EPHB1: variants seen among roughly 807,000 people sequenced by gnomAD.
The protein encoded by EPHB1 is EPH receptor B1.
In EPHB1, 30 loss-of-function variants were observed where a neutral mutation model predicts 94.4. That is an observed-to-expected ratio of 0.32 (90% CI 0.24 to 0.43). EPHB1 has a LOEUF of 0.43. EPHB1 is among the 20% of genes least tolerant of loss of function. The probability of loss-of-function intolerance (pLI) is 1.00; values close to 1 mark genes in which losing one functional copy is unlikely to be tolerated. For synonymous variants in EPHB1, 522 were observed against 489.1 expected (o/e 1.07, Z -0.89); for missense variants, 1,055 against 1,308.3 (o/e 0.81, Z 2.99).
rs1039615114 is a variant in EPHB1 at position 135,069,371 on chromosome 3, C to T, written c.806-37077C>T. On this transcript the variant is annotated intron_variant, in intron 3 of 15. Coordinates refer to ENST00000398015, the MANE Select transcript of EPHB1 (RefSeq NM_004441.5). ...ATAGTGCTCTCTGCTACTCTTCTGTCAGGCTTACAGTCTTTTTTGAGTTAT... is the reference window on the plus strand; with the variant it reads ...ATAGTGCTCTCTGCTACTCTTCTGTTAGGCTTACAGTCTTTTTTGAGTTAT... Among the ~76,000 whole-genome samples, 3 of 152,206 alleles carry T rather than the reference C, an allele frequency of 2.0e-5. No individual in the cohort carries two copies. In the South Asian group the frequency reaches 6.2e-4, roughly 32 times the overall value.
At chr3:134,801,938 G>A (rs2035941871) in intron 1 of EPHB1, among the ~76,000 whole-genome samples, 1 of 152,236 alleles carries the variant, frequency 6.6e-6, no homozygotes, top group South Asian at 2.1e-4. Context: ...CTGGAGGGCA[G>A]TGGGTTGGTT....
intron 2 of EPHB1, among the ~76,000 whole-genome samples, chr3:134,933,317 C>T (rs551993786): frequency 1.3e-5 from 2 of 152,282 alleles, no homozygotes; most frequent in South Asian, 4.2e-4. Context: ...ACATCTCCTC[C>T]TGGGTCCCCC....
chr3:135,074,553 A>G (rs1308782764), intron 3 of EPHB1, among the ~76,000 whole-genome samples: 1 of 152,206 alleles, frequency 6.6e-6, no homozygotes, highest in Admixed American at 6.5e-5. Context: ...TCCATCTGCT[A>G]CTAAACACAC....
intron 3 of EPHB1, among the ~76,000 whole-genome samples, chr3:134,970,150 C>G (rs559740820): frequency 3.9e-5 from 6 of 152,206 alleles, no homozygotes; most frequent in African/African-American, 1.4e-4. Flanking sequence ...GTTTATCTAA[C>G]CAATTATTTT....
chr3:135,103,174 T>C (rs1939094443), intron 3 of EPHB1, among the ~76,000 whole-genome samples: 2 of 152,102 alleles, frequency 1.3e-5, no homozygotes, highest in Admixed American at 6.5e-5. Flanking sequence ...CTTTAATAAA[T>C]GAATTTAGGA....
chr3:134,927,929 A>T (rs1160625319), intron 2 of EPHB1, among the ~76,000 whole-genome samples: 1 of 152,192 alleles, frequency 6.6e-6, no homozygotes, highest in Non-Finnish European at 1.5e-5. Flanking sequence ...TCTGGGTGGA[A>T]AAGGAGGATC....
chr3:135,249,975 T>C (rs1171645728), intron 15 of EPHB1, among the ~76,000 whole-genome samples: 1 of 152,174 alleles, frequency 6.6e-6, no homozygotes, highest in Non-Finnish European at 1.5e-5. Flanking sequence ...CCTCAGGAGT[T>C]TGGAGGAATA....
chr3:134,872,746 C>A (rs1299700173), intron 1 of EPHB1, among the ~76,000 whole-genome samples: 2 of 152,210 alleles, frequency 1.3e-5, no homozygotes, highest in Admixed American at 1.3e-4. Flanking sequence ...GTACTTCCCC[C>A]TCCCCACATC....
rs372028414 is a variant in EPHB1 at position 135,180,321 on chromosome 3, G to A, written c.1882+339G>A. Among the ~76,000 whole-genome samples the A allele has an allele frequency of 3.3e-5, 5 of 152,324 alleles. No homozygotes were observed. In the East Asian group the frequency reaches 7.7e-4, roughly 23 times the overall value. ...AAGGCTTTGAAAGAAATCTACATTT[G>A]TAGTATTCCACTTACTAACAATGAT... is the stretch of plus-strand genomic sequence containing the variant. On this transcript the variant is annotated intron_variant, in intron 10 of 15. Coordinates refer to ENST00000398015, the MANE Select transcript of EPHB1 (RefSeq NM_004441.5).
chr3:135,050,786 T>C (rs1009291880), intron 3 of EPHB1, among the ~76,000 whole-genome samples: 1 of 152,276 alleles, frequency 6.6e-6, no homozygotes, highest in Middle Eastern at 3.4e-3. Context: ...TCTCGCCATA[T>C]GACACGCCTC....
At chr3:134,879,306 C>T (rs560348566) in intron 1 of EPHB1, among the ~76,000 whole-genome samples, 1 of 152,186 alleles carries the variant, frequency 6.6e-6, no homozygotes, top group Non-Finnish European at 1.5e-5. Flanking sequence ...AATCCCAAGC[C>T]AAACCCACTT....
At chr3:135,161,017 G>C (rs1001853134) in intron 6 of EPHB1, among the ~76,000 whole-genome samples, 1 of 152,170 alleles carries the variant, frequency 6.6e-6, no homozygotes, top group African/African-American at 2.4e-5. Flanking sequence ...TATGATGATA[G>C]TTTTTAAGAA....
In EPHB1 at chr3:134,882,762, C is replaced by T. The variant is rs1365736423; in HGVS notation, c.59-43054C>T. 4.1e-3 allele frequency among the ~76,000 whole-genome samples: 132 copies of T among 32,520 alleles called. 5 individuals are homozygous for T. The highest frequency in any genetic ancestry group is 0.014 in the African/African-American group (111 of 7,750). 21.3% of individuals were successfully genotyped at this position (32,520 alleles called of 152,430 possible). On this transcript the variant is annotated intron_variant, in intron 1 of 15. Transcript: ENST00000398015. ...TCCTTCTTTCTTCCTTTCTTCCTTC[C>T]TTCCTTTCTTTCTTTCTTTCTTTCT...
intron 12 of EPHB1, among the ~76,000 whole-genome samples, chr3:135,235,970 C>T (rs559737500): frequency 5.3e-5 from 8 of 152,258 alleles, no homozygotes; most frequent in East Asian, 3.9e-4. Context: ...AATAGTAGCC[C>T]GTGATGGTTC....
At chr3:134,893,159 G>A (rs575000407) in intron 1 of EPHB1, among the ~76,000 whole-genome samples, 4 of 152,156 alleles carry the variant, frequency 2.6e-5, no homozygotes, top group South Asian at 2.1e-4. Flanking sequence ...GGTCCCAGGG[G>A]GTGTAGACAT....
chr3:135,051,063 A>G (rs2107771250), intron 3 of EPHB1, among the ~76,000 whole-genome samples: 1 of 152,238 alleles, frequency 6.6e-6, no homozygotes, highest in Non-Finnish European at 1.5e-5. Flanking sequence ...TAAAATATAA[A>G]TTACCCAGCA....
chr3:135,011,474 C>T (rs1935618099), intron 3 of EPHB1, among the ~76,000 whole-genome samples: 1 of 152,178 alleles, frequency 6.6e-6, no homozygotes. Context: ...TTGGTGTTCT[C>T]CTCTCCAGAG....
intron 3 of EPHB1, among the ~76,000 whole-genome samples, chr3:135,035,005 A>G (rs114976624): frequency 0.02 from 3,036 of 152,304 alleles, 97 homozygotes; most frequent in African/African-American, 0.07. Flanking sequence ...GAGTGCTCAC[A>G]TGCTACCCAG....
At chr3:134,824,461 C>T (rs1199234268) in intron 1 of EPHB1, among the ~76,000 whole-genome samples, 4 of 152,138 alleles carry the variant, frequency 2.6e-5, no homozygotes, top group Non-Finnish European at 5.9e-5. Flanking sequence ...AATTGGAATC[C>T]TTCTCATCAC....
Sources: allele counts gnomAD v4.1 joint callset (sites outside exome capture counted in the v4.1 genomes callset), GRCh38; gene constraint gnomAD v4.1.1; transcripts MANE v1.5; gene names NCBI Gene and HGNC (gene_info 2026-07-23, HGNC 2026-07-21).